Variants in AFG2A observed in about 807,000 individuals in gnomAD.
AFG2A encodes the protein ATPase family gene 2 protein homolog A.
the AFG2A span, among the ~76,000 whole-genome samples, chr4:123,096,371 C>T: frequency 6.6e-6 from 1 of 152,024 alleles, no homozygotes; most frequent in African/African-American, 2.4e-5. Flanking sequence ...TAGAAACAAA[C>T]AACTAATTTA....
At chr4:123,254,281 G>C in the AFG2A span, among the ~76,000 whole-genome samples, 1 of 151,890 alleles carries the variant, frequency 6.6e-6, no homozygotes, top group Non-Finnish European at 1.5e-5. Flanking sequence ...TACATTTCAA[G>C]TTTATTTTTC....
chr4:123,080,858 A>G, the AFG2A span, among the ~76,000 whole-genome samples: 1 of 152,096 alleles, frequency 6.6e-6, no homozygotes, highest in African/African-American at 2.4e-5. Flanking sequence ...TCAGACAGCT[A>G]ACTATCCGTC....
chr4:123,295,552 ATTG>A, the AFG2A span, among the ~76,000 whole-genome samples: 4 of 152,258 alleles, frequency 2.6e-5, no homozygotes, highest in African/African-American at 9.6e-5. Context: ...TCTAGCATAA[ATTG>A]TTAAGTGAAA....
the AFG2A span, among the ~76,000 whole-genome samples, chr4:123,098,342 C>G: frequency 9.9e-5 from 15 of 152,060 alleles, no homozygotes; most frequent in East Asian, 2.3e-3. Flanking sequence ...TTAACATGTG[C>G]ATTACTTCAC....
chr4:123,184,532 CTTTTTTT>C, the AFG2A span, among the ~76,000 whole-genome samples: 803 of 89,292 alleles, frequency 9.0e-3, 7 homozygotes, highest in African/African-American at 0.033. Flanking sequence ...ATGATCATTT[CTTTTTTT>C]TTTTTTTTTT....
chr4:123,255,006 C>G, the AFG2A span, among the ~76,000 whole-genome samples: 19 of 152,186 alleles, frequency 1.2e-4, no homozygotes, highest in Non-Finnish European at 2.8e-4. Flanking sequence ...TTCTGTCACC[C>G]AGACTGGAGT....
the AFG2A span, among the ~76,000 whole-genome samples, chr4:122,941,542 G>T: frequency 1.3e-5 from 2 of 152,242 alleles, no homozygotes; most frequent in African/African-American, 4.8e-5. Context: ...GGCTGAGACA[G>T]TGGGGTTTTC....
chr4:123,105,054 T>C, the AFG2A span, among the ~76,000 whole-genome samples: 2 of 152,178 alleles, frequency 1.3e-5, no homozygotes, highest in Non-Finnish European at 1.5e-5. Context: ...AGGACTTTCA[T>C]AGCTAGAGAA....
the AFG2A span, among the ~76,000 whole-genome samples, chr4:123,218,642 TAC>T: frequency 1.6e-4 from 2 of 12,180 alleles, no homozygotes; most frequent in East Asian, 0.034. Context: ...TAAACACATA[TAC>T]ATACATACAT....
the AFG2A span, among the ~76,000 whole-genome samples, chr4:122,970,464 TA>T: frequency 1.3e-5 from 2 of 149,568 alleles, no homozygotes; most frequent in African/African-American, 4.9e-5. Flanking sequence ...CTAGAAAAAG[TA>T]AAAAAAAAAT....
the AFG2A span, among the ~76,000 whole-genome samples, chr4:123,070,916 C>T: frequency 3.3e-5 from 5 of 152,200 alleles, no homozygotes; most frequent in South Asian, 2.1e-4. Context: ...TTGTTTCTTA[C>T]GATTACTATA....
chr4:122,989,705 G>A, the AFG2A span, among the ~76,000 whole-genome samples: 1 of 152,270 alleles, frequency 6.6e-6, no homozygotes, highest in East Asian at 1.9e-4. Flanking sequence ...GATAGGGCAA[G>A]TACTGGAATC....
At chr4:122,969,099 C>T in the AFG2A span, among the ~76,000 whole-genome samples, 1 of 151,334 alleles carries the variant, frequency 6.6e-6, no homozygotes, top group Admixed American at 6.6e-5. Flanking sequence ...TTTTGAGGAA[C>T]AGAAAGTTTA....
At chr4:122,970,436 A>T in the AFG2A span, among the ~76,000 whole-genome samples, 1 of 152,076 alleles carries the variant, frequency 6.6e-6, no homozygotes, top group African/African-American at 2.4e-5. Flanking sequence ...CCTGTCATTA[A>T]GCAATGCATG....
chr4:123,213,210 G>T, the AFG2A span, among the ~76,000 whole-genome samples: 1 of 152,080 alleles, frequency 6.6e-6, no homozygotes. Context: ...CTTATATGCA[G>T]ATTGATCTTC....
At chr4:122,991,581 A>G in the AFG2A span, among the ~76,000 whole-genome samples, 1 of 152,210 alleles carries the variant, frequency 6.6e-6, no homozygotes, top group Non-Finnish European at 1.5e-5. Flanking sequence ...ATTAACTATC[A>G]AAAGCTAAAG....
the AFG2A span, among the ~76,000 whole-genome samples, chr4:123,205,682 T>G: frequency 3.9e-5 from 6 of 151,908 alleles, no homozygotes; most frequent in Admixed American, 1.3e-4. Context: ...CTGGTGGGGG[T>G]TAGGGAGGGG....
chr4:123,214,278 A>T, the AFG2A span, among the ~76,000 whole-genome samples: 6 of 152,152 alleles, frequency 3.9e-5, no homozygotes, highest in Admixed American at 3.9e-4. Flanking sequence ...GGGTTCAAAG[A>T]AGTAAGATTA....
the AFG2A span, among the ~76,000 whole-genome samples, chr4:123,169,454 G>T: frequency 6.6e-6 from 1 of 152,072 alleles, no homozygotes; most frequent in Non-Finnish European, 1.5e-5. Context: ...ATAGAGCCTG[G>T]CTATGCGCAT....
Sources: allele counts gnomAD v4.1 joint callset (sites outside exome capture counted in the v4.1 genomes callset), GRCh38; gene constraint gnomAD v4.1.1; transcripts MANE v1.5; gene names NCBI Gene and HGNC (gene_info 2026-07-23, HGNC 2026-07-21).